The following RPL39 variants were observed in gnomAD, a reference collection of about 807,000 sequenced individuals.
The protein encoded by RPL39 is ribosomal protein L39.
For synonymous variants in RPL39, 8 were observed against 11.4 expected, an observed-to-expected ratio of 0.70 and a Z score of 0.60; for missense variants, 6 against 37.2, an observed-to-expected ratio of 0.16 and a Z score of 2.18.
At chrX:119,789,635 G>C (rs2055688365) in intron 2 of RPL39, among the ~76,000 whole-genome samples, 1 of 112,473 alleles carries the variant, frequency 8.9e-6, no homozygotes, top group South Asian at 3.6e-4. Flanking sequence ...ATGTGTATAA[G>C]ACAGCCTTCC....
At chrX:119,787,918 C>T (rs2055676893) in intron 2 of RPL39, among the ~76,000 whole-genome samples, 1 of 111,354 alleles carries the variant, frequency 9.0e-6, no homozygotes, top group Non-Finnish European at 1.9e-5. Flanking sequence ...TTGGCCTCTC[C>T]CAAAGTGCTG....
chrX:119,791,434 G>C (rs2055700670), intron 1 of RPL39, 140 bp downstream of exon 1: 1 of 544,213 alleles, frequency 1.8e-6, no homozygotes, highest in African/African-American at 2.4e-5. Context: ...AAAGACAACA[G>C]TGGCCGAACT....
At chrX:119,787,684 A>G (rs766190600) in intron 2 of RPL39, among the ~76,000 whole-genome samples, 9 of 111,149 alleles carry the variant, frequency 8.1e-5, no homozygotes, top group Middle Eastern at 4.2e-3. Flanking sequence ...ACAGGGTCAC[A>G]CTGTTGCCCA....
intron 2 of RPL39, among the ~76,000 whole-genome samples, chrX:119,789,308 G>A (rs1202182225): frequency 1.8e-5 from 2 of 112,294 alleles, no homozygotes; most frequent in Non-Finnish European, 3.8e-5. Flanking sequence ...TGTAATCCCA[G>A]CACTTTGGGA....
At chrX:119,790,883 TCAAGTAATAAATTACTTGA>T (rs963971050) in intron 1 of RPL39, 1 of 111,201 alleles carries the variant, frequency 9.0e-6, no homozygotes, top group African/African-American at 3.3e-5. Context: ...GTAAATTTTG[TCAAGTAATAAATTACTTGA>T]CAAGTAATAA....
At chrX:119,788,288 T>A (rs147590758) in intron 2 of RPL39, among the ~76,000 whole-genome samples, 1 of 111,352 alleles carries the variant, frequency 9.0e-6, no homozygotes, top group Non-Finnish European at 1.9e-5. Flanking sequence ...AATCCCAGCA[T>A]GTTGGGAGGC....
intron 1 of RPL39, chrX:119,790,356 G>A (rs2055692754): frequency 7.1e-6 from 1 of 140,666 alleles, no homozygotes; most frequent in African/African-American, 3.1e-5. Flanking sequence ...GGACTCAGAC[G>A]ACCACACTGG....
rs898929881 is a variant in RPL39, at chrX:119,787,007, C to T, written c.108-275G>A. ...CCCACTCTCTCCAAGTGTACTTGTA[C>T]CCACTTTTGATTCAATGGACCTGGA... On this transcript the variant is annotated intron_variant, in intron 2 of 2. Transcript: ENST00000361575. Among the ~76,000 whole-genome samples, 6 of 112,307 alleles carry T rather than the reference C, an allele frequency of 5.3e-5. No individual in the cohort carries two copies. The Admixed American group carries it at 5.7e-4, about 11-fold the overall frequency.
intron 2 of RPL39, among the ~76,000 whole-genome samples, chrX:119,789,192 T>C (rs1490065412): frequency 9.1e-6 from 1 of 109,583 alleles, no homozygotes; most frequent in Admixed American, 9.8e-5. Context: ...TTGAGTCTGG[T>C]AGGTAGGGAG....
intron 2 of RPL39, among the ~76,000 whole-genome samples, chrX:119,787,889 C>T (rs2055676645): frequency 9.0e-6 from 1 of 111,128 alleles, no homozygotes; most frequent in Non-Finnish European, 1.9e-5. Context: ...AATTCCTGGC[C>T]TCAAGCAATC....
Position 119,789,074 on chromosome X carries a change from G to C in RPL39, c.107+834C>G, listed in dbSNP as rs1280501619. ...GAGCTCAGGAGTTCAAGACCAGCTT[G>C]GGCAACACAGAGAGACCCCATCTCT... On this transcript the variant is annotated intron_variant, in intron 2 of 2. Transcript: ENST00000361575. Among the ~76,000 whole-genome samples the C allele has an allele frequency of 2.7e-5, 3 of 111,008 alleles. No homozygotes were observed. The East Asian group carries it at 8.4e-4, about 31-fold the overall frequency.
intron 2 of RPL39, among the ~76,000 whole-genome samples, chrX:119,789,702 T>C (rs1158716493): frequency 8.9e-6 from 1 of 112,797 alleles, no homozygotes; most frequent in Non-Finnish European, 1.9e-5. Flanking sequence ...TATTGGAGAA[T>C]TATCTGCCCA....
At chrX:119,790,867 G>A (rs1203035992) in intron 1 of RPL39, 1 of 111,106 alleles carries the variant, frequency 9.0e-6, no homozygotes, top group African/African-American at 3.3e-5. Context: ...ATCCACAGTA[G>A]CAGTTGTAAA....
intron 2 of RPL39, chrX:119,787,558 G>A (rs1228379217): frequency 6.0e-6 from 2 of 335,766 alleles, no homozygotes; most frequent in Non-Finnish European, 1.2e-5. Flanking sequence ...TCTGGGTCAA[G>A]GGTATATAAT....
chrX:119,788,294 G>A (rs914136579), intron 2 of RPL39, among the ~76,000 whole-genome samples: 22 of 111,730 alleles, frequency 2.0e-4, no homozygotes, highest in African/African-American at 6.8e-4. Flanking sequence ...AGCATGTTGG[G>A]AGGCAGAGGC....
chrX:119,787,267 A>G (rs1323493790), intron 2 of RPL39: 4 of 320,786 alleles, frequency 1.2e-5, no homozygotes, highest in South Asian at 3.0e-5. Context: ...GATTACAGGC[A>G]TGAGCCACTG....
intron 2 of RPL39, 142 bp from the exon 3 acceptor site, chrX:119,786,874 G>A: frequency 4.2e-6 from 2 of 471,362 alleles, no homozygotes; most frequent in South Asian, 3.7e-5. Context: ...TTTCTGGAGA[G>A]TAAAAAAAAT....
At chrX:119,788,601 G>T (rs975829676) in intron 2 of RPL39, among the ~76,000 whole-genome samples, 1 of 111,073 alleles carries the variant, frequency 9.0e-6, no homozygotes, top group South Asian at 3.8e-4. Flanking sequence ...TCTACAACAG[G>T]TACACAAATT....
rs1448275219 is a variant in RPL39 at position 119,787,566 on chromosome X, A to T, written c.108-834T>A. On this transcript the variant is annotated intron_variant, in intron 2 of 2. Coordinates refer to ENST00000361575, the MANE Select transcript of RPL39 (RefSeq NM_001000.4). ...TCAATTATCTGGGTCAAGGGTATAT[A>T]ATCTTACGTACAAAATACCTTCCCA... 2.9e-5 allele frequency: 9 copies of T among 314,361 alleles called. 1 individual carries two copies. The highest frequency in any genetic ancestry group is 5.5e-5 in the Non-Finnish European group (9 of 163,090). The allele number at this position is 314,361 out of a possible 1,213,427, so 25.9% of individuals were successfully genotyped here.
Sources: gnomAD v4.1 joint callset for allele counts (sites outside exome capture counted in the v4.1 genomes callset) on GRCh38, gnomAD v4.1.1 for gene constraint, MANE v1.5 for transcripts, NCBI Gene and HGNC (gene_info 2026-07-23, HGNC 2026-07-21) for gene names.